Variants in FGF12 observed in about 807,000 individuals in gnomAD.
The protein encoded by FGF12 is fibroblast growth factor 12, also known as fibroblast growth factor 12B.
Under a neutral mutation model 23.6 loss-of-function variants are expected in FGF12, and 14 were observed. The ratio of observed to expected loss-of-function variants is 0.59; its 90% CI spans 0.39 to 0.93. The LOEUF (loss-of-function observed/expected upper bound fraction) is 0.93, where lower values mean the gene tolerates loss of function less well. Ranked by LOEUF, FGF12 falls within the 40% of genes least tolerant of loss-of-function variation. FGF12 has a pLI of 0.00. For synonymous variants in FGF12, 62 were observed against 77.3 expected, an observed-to-expected ratio of 0.80 and a Z score of 1.04; for missense variants, 175 against 217.8, an observed-to-expected ratio of 0.80 and a Z score of 1.24.
chr3:192,428,234 T>C (rs1721751376), intron 2 of FGF12, among the ~76,000 whole-genome samples: 1 of 152,146 alleles, frequency 6.6e-6, no homozygotes, highest in African/African-American at 2.4e-5. Context: ...ATTGTGTCTA[T>C]CTCCTCTACT....
At chr3:192,210,805 T>C (rs1717890859) in intron 4 of FGF12, among the ~76,000 whole-genome samples, 1 of 152,192 alleles carries the variant, frequency 6.6e-6, no homozygotes, top group African/African-American at 2.4e-5. Context: ...AGAATATAAA[T>C]GGGGGTAAGG....
intron 4 of FGF12, among the ~76,000 whole-genome samples, chr3:192,269,352 GCACT>G (rs1713281505): frequency 6.6e-6 from 1 of 152,076 alleles, no homozygotes; most frequent in African/African-American, 2.4e-5. Context: ...TTTTTAACCT[GCACT>G]CAGTGTTACC....
intron 2 of FGF12, among the ~76,000 whole-genome samples, chr3:192,712,408 C>T (rs1289549091): frequency 4.0e-5 from 6 of 151,174 alleles, no homozygotes; most frequent in Non-Finnish European, 1.5e-5. Context: ...AGTAAATACA[C>T]AGCATAATGA....
At chr3:192,274,034 A>T (rs114557610) in intron 4 of FGF12, among the ~76,000 whole-genome samples, 1 of 152,196 alleles carries the variant, frequency 6.6e-6, no homozygotes, top group East Asian at 1.9e-4. Context: ...AACCTAAAAT[A>T]GATGCCTCAA....
At chr3:192,278,052 C>T (rs886801407) in intron 4 of FGF12, among the ~76,000 whole-genome samples, 7 of 152,192 alleles carry the variant, frequency 4.6e-5, no homozygotes, top group South Asian at 4.1e-4. Context: ...TGAGACACCG[C>T]GCCCAGCCAC....
At chr3:192,364,013 C>A (rs1164331557) in intron 2 of FGF12, among the ~76,000 whole-genome samples, 1 of 152,106 alleles carries the variant, frequency 6.6e-6, no homozygotes, top group Non-Finnish European at 1.5e-5. Flanking sequence ...TGTGATGTCA[C>A]CAAGGAGCAA....
intron 2 of FGF12, among the ~76,000 whole-genome samples, chr3:192,579,098 C>T (rs537982667): frequency 1.3e-4 from 20 of 152,208 alleles, no homozygotes; most frequent in African/African-American, 4.8e-4. Context: ...TAATGTTCAT[C>T]ATTAAGGTTT....
chr3:192,461,973 A>G (rs148187387), intron 2 of FGF12, among the ~76,000 whole-genome samples: 3,849 of 151,996 alleles, frequency 0.025, 71 homozygotes, highest in Middle Eastern at 0.061. Context: ...CTGGGCAACA[A>G]GAGCGAAACT....
intron 2 of FGF12, among the ~76,000 whole-genome samples, chr3:192,719,645 T>C (rs1223449772): frequency 6.6e-6 from 1 of 150,798 alleles, no homozygotes; most frequent in African/African-American, 2.4e-5. Flanking sequence ...GAAAAGCCTT[T>C]AGATAAAATG....
At chr3:192,396,983 T>A (rs890358745) in intron 2 of FGF12, among the ~76,000 whole-genome samples, 4 of 152,130 alleles carry the variant, frequency 2.6e-5, no homozygotes, top group Non-Finnish European at 5.9e-5. Context: ...CCAACCAAGA[T>A]GGTAGTTCCA....
chr3:192,319,378 C>A (rs1716408449), intron 4 of FGF12, among the ~76,000 whole-genome samples: 1 of 152,102 alleles, frequency 6.6e-6, no homozygotes, highest in South Asian at 2.1e-4. Flanking sequence ...AGGAGGATCA[C>A]TTGAGGTCAG....
In FGF12 at chr3:192,361,647, T is replaced by C. The variant is rs530702106; in HGVS notation, c.14-1109A>G. Among the ~76,000 whole-genome samples, 107 of 152,330 alleles carry C rather than the reference T, an allele frequency of 7.0e-4. 1 individual carries two copies. The South Asian group carries it at 0.022, about 31-fold the overall frequency. On this transcript the variant is annotated intron_variant, in intron 2 of 5. Transcript: ENST00000445105. The stretch of plus-strand genomic sequence containing the variant: ...AATGTCTTTTTTCTGCCAAGCAATA[T>C]GGCAGGCACTGTGTGTTACACTGAA...
At chr3:192,400,166 A>AT (rs978395680) in intron 2 of FGF12, among the ~76,000 whole-genome samples, 1 of 151,892 alleles carries the variant, frequency 6.6e-6, no homozygotes, top group East Asian at 1.9e-4. Context: ...AGGCCTATAA[A>AT]TACTACAAAC....
intron 2 of FGF12, among the ~76,000 whole-genome samples, chr3:192,551,986 G>C (rs751795325): frequency 3.3e-4 from 50 of 151,888 alleles, no homozygotes; most frequent in Non-Finnish European, 6.3e-4. Flanking sequence ...TTTATATAGA[G>C]ATATATATGT....
intron 2 of FGF12, among the ~76,000 whole-genome samples, chr3:192,372,061 G>A (rs746191666): frequency 5.3e-5 from 8 of 152,076 alleles, no homozygotes; most frequent in Non-Finnish European, 2.9e-5. Context: ...ACACTTCTAT[G>A]CACACAGAAA....
At chr3:192,357,608 C>T (rs1255575767) in intron 3 of FGF12, among the ~76,000 whole-genome samples, 1 of 151,846 alleles carries the variant, frequency 6.6e-6, no homozygotes, top group African/African-American at 2.4e-5. Context: ...TACATATTGA[C>T]GGAGACGTTC....
intron 3 of FGF12, among the ~76,000 whole-genome samples, chr3:192,348,116 A>G (rs1259336755): frequency 6.6e-6 from 1 of 152,142 alleles, no homozygotes; most frequent in Non-Finnish European, 1.5e-5. Context: ...TTCTGCTCGT[A>G]CCTAAGTAGG....
In FGF12 at chr3:192,344,824, C is replaced by T. The variant is rs368633218; in HGVS notation, c.125-9360G>A. 1.3e-3 allele frequency among the ~76,000 whole-genome samples: 195 copies of T among 152,128 alleles called. No homozygotes were observed. In the Middle Eastern group the frequency reaches 0.017, roughly 13 times the overall value. On this transcript the variant is annotated intron_variant, in intron 3 of 5. Coordinates refer to ENST00000445105, the MANE Select transcript of FGF12 (RefSeq NM_004113.6). ...TCAAAAATTTGCATAATTAACAAGT[C>T]AATTAAACGTGATTATTTTTTCATT...
intron 2 of FGF12, among the ~76,000 whole-genome samples, chr3:192,687,914 C>T (rs1717813826): frequency 6.6e-6 from 1 of 152,174 alleles, no homozygotes; most frequent in Non-Finnish European, 1.5e-5. Context: ...CCTTCCTTTG[C>T]TGCCAGCCCT....
Sources: gnomAD v4.1 joint callset for allele counts (sites outside exome capture counted in the v4.1 genomes callset) on GRCh38, gnomAD v4.1.1 for gene constraint, MANE v1.5 for transcripts, NCBI Gene and HGNC (gene_info 2026-07-23, HGNC 2026-07-21) for gene names.